LPP: variants seen among roughly 807,000 people sequenced by gnomAD.
LPP encodes the protein lipoma-preferred partner.
LPP carries 38 observed loss-of-function variants against 60.4 expected under a neutral mutation model. The observed-to-expected ratio is 0.63, with a 90% CI of 0.49 to 0.83. LPP has a LOEUF of 0.83. Ranked by LOEUF, LPP falls within the 40% of genes least tolerant of loss-of-function variation. LPP has a pLI of 0.00. For synonymous variants in LPP, 328 were observed against 290.8 expected (o/e 1.13, Z -1.30); for missense variants, 902 against 783.6 (o/e 1.15, Z -1.80).
intron 6 of LPP, among the ~76,000 whole-genome samples, chr3:188,562,078 C>A (rs13092171): frequency 0.01 from 536 of 51,316 alleles, 1 homozygote; most frequent in East Asian, 0.1. Context: ...CACACAGACA[C>A]ACACACACAT....
Position 188,887,542 on chromosome 3 carries a change from G to C in LPP, c.*13063G>C, listed in dbSNP as rs1256343118. On this transcript the variant is annotated 3_prime_UTR_variant, in exon 12 of 12. Coordinates refer to ENST00000617246, the MANE Select transcript of LPP (RefSeq NM_001375462.1). ...AATGGGGAGTTGGTATTTGGGCAGA[G>C]TTTGCATTTTACTAATCCTATATAC... 4.6e-6 allele frequency: 1 copy of C among 216,316 alleles called. No homozygotes were observed. Among genetic ancestry groups the C allele is most frequent in the South Asian group, 1.9e-4 (1 of 5,376 alleles). The allele number at this position is 216,316 out of a possible 1,614,324, so 13.4% of individuals were successfully genotyped here.
intron 2 of LPP, among the ~76,000 whole-genome samples, chr3:188,310,370 G>A (rs527603889): frequency 1.3e-5 from 2 of 152,228 alleles, no homozygotes; most frequent in Admixed American, 6.5e-5. Flanking sequence ...GGAGAGACAG[G>A]CCAAGGATGC....
chr3:188,746,011 T>C (rs928888756), intron 8 of LPP, among the ~76,000 whole-genome samples: 6 of 152,312 alleles, frequency 3.9e-5, no homozygotes, highest in South Asian at 2.1e-4. Flanking sequence ...CCTTTTCCCA[T>C]ATCGCATGGA....
chr3:188,243,876 TA>T (rs1725889203), intron 2 of LPP, among the ~76,000 whole-genome samples: 1 of 152,096 alleles, frequency 6.6e-6, no homozygotes, highest in Non-Finnish European at 1.5e-5. Flanking sequence ...ATTTTATTTT[TA>T]AAATTTTTAT....
rs747706623 is a variant in LPP at position 188,357,270 on chromosome 3, A to C, written c.-10+15551A>C. On this transcript the variant is annotated intron_variant, in intron 3 of 11. Transcript: ENST00000617246. The stretch of plus-strand genomic sequence containing the variant: ...TGGACAGAAAACCTACCCTAAAGAC[A>C]GGAAAGAAGGTGAACGGCTATTTCA... Among the ~76,000 whole-genome samples, 10 of 152,348 alleles carry C rather than the reference A, an allele frequency of 6.6e-5. 1 individual carries two copies. The highest frequency in any genetic ancestry group is 6.8e-3 in the Middle Eastern group (2 of 294).
intron 5 of LPP, among the ~76,000 whole-genome samples, chr3:188,496,599 G>A (rs1810304467): frequency 6.6e-6 from 1 of 152,194 alleles, no homozygotes; most frequent in South Asian, 2.1e-4. Flanking sequence ...GTCCCAGGCA[G>A]GGATGAAGCT....
chr3:188,493,827 T>C (rs1054175207), intron 5 of LPP, among the ~76,000 whole-genome samples: 5 of 152,162 alleles, frequency 3.3e-5, no homozygotes, highest in Admixed American at 6.5e-5. Context: ...CTATATGGAA[T>C]TGGATTTCTT....
intron 6 of LPP, among the ~76,000 whole-genome samples, chr3:188,603,600 ATGTT>A (rs1268043283): frequency 6.6e-6 from 1 of 152,100 alleles, no homozygotes; most frequent in African/African-American, 2.4e-5. Flanking sequence ...TCAACACAAA[ATGTT>A]TGCACCAGGT....
intron 7 of LPP, among the ~76,000 whole-genome samples, chr3:188,649,126 TAA>T (rs906883287): frequency 5.3e-5 from 8 of 152,240 alleles, no homozygotes; most frequent in Admixed American, 5.2e-4. Context: ...ATATTTTAAG[TAA>T]ACTCAACAAA....
At chr3:188,179,431 T>C (rs1724242114) in intron 1 of LPP, 1 of 457,784 alleles carries the variant, frequency 2.2e-6, no homozygotes, top group African/African-American at 2.0e-5. Flanking sequence ...CCTGACATTC[T>C]GTCCTTTGGG....
At chr3:188,697,172 G>T (rs963018823) in intron 7 of LPP, among the ~76,000 whole-genome samples, 1 of 152,174 alleles carries the variant, frequency 6.6e-6, no homozygotes, top group Non-Finnish European at 1.5e-5. Context: ...TGCTTGCCTA[G>T]GGTGGCATTG....
At chr3:188,211,726 G>A (rs1227848724) in intron 1 of LPP, among the ~76,000 whole-genome samples, 3 of 152,108 alleles carry the variant, frequency 2.0e-5, no homozygotes, top group South Asian at 4.2e-4. Flanking sequence ...CTTCCAGCCC[G>A]GTGTCTGTGC....
intron 9 of LPP, among the ~76,000 whole-genome samples, chr3:188,861,349 C>T (rs1319336718): frequency 5.3e-5 from 8 of 151,980 alleles, no homozygotes; most frequent in Non-Finnish European, 1.0e-4. Flanking sequence ...TCCTGTTTCA[C>T]GATATTGTTT....
intron 4 of LPP, among the ~76,000 whole-genome samples, chr3:188,414,997 A>G (rs989191922): frequency 3.9e-5 from 6 of 152,104 alleles, no homozygotes; most frequent in Admixed American, 2.6e-4. Context: ...AATCTCTTTT[A>G]TTTTGTAACT....
chr3:188,387,895 T>G (rs1205405374), intron 3 of LPP, among the ~76,000 whole-genome samples: 7 of 147,378 alleles, frequency 4.7e-5, no homozygotes, highest in Admixed American at 2.1e-4. Context: ...GTTATTTCTA[T>G]CTATTGATGA....
chr3:188,269,966 T>C (rs927036950), intron 2 of LPP, among the ~76,000 whole-genome samples: 2 of 151,700 alleles, frequency 1.3e-5, no homozygotes, highest in African/African-American at 4.9e-5. Flanking sequence ...TTTTTTAGTA[T>C]CAGTTTTTTC....
At chr3:188,260,963 T>C (rs930102203) in intron 2 of LPP, among the ~76,000 whole-genome samples, 2 of 151,948 alleles carry the variant, frequency 1.3e-5, no homozygotes, top group African/African-American at 4.8e-5. Context: ...TAGTCCCAGC[T>C]ACTCAGGAGG....
chr3:188,274,178 T>A (rs1298633237), intron 2 of LPP, among the ~76,000 whole-genome samples: 2 of 152,226 alleles, frequency 1.3e-5, no homozygotes, highest in Non-Finnish European at 2.9e-5. Flanking sequence ...ACAATGGAAA[T>A]TGAAAATTGG....
intron 2 of LPP, among the ~76,000 whole-genome samples, chr3:188,326,961 GC>G (rs1407911643): frequency 6.6e-6 from 1 of 151,960 alleles, no homozygotes; most frequent in African/African-American, 2.4e-5. Context: ...GTGACTTTTT[GC>G]CCAAACAAAG....
Sources: gnomAD v4.1 joint callset for allele counts (sites outside exome capture counted in the v4.1 genomes callset) on GRCh38, gnomAD v4.1.1 for gene constraint, MANE v1.5 for transcripts, NCBI Gene and HGNC (gene_info 2026-07-23, HGNC 2026-07-21) for gene names.